The following JAK1 variants were observed in gnomAD, a reference collection of about 807,000 sequenced individuals.
JAK1 encodes tyrosine-protein kinase JAK1.
In JAK1, 16 loss-of-function variants were observed where a neutral mutation model predicts 136.6. The ratio of observed to expected loss-of-function variants is 0.12; its 90% confidence interval spans 0.08 to 0.18. The LOEUF is 0.18. JAK1 is among the 10% of genes least tolerant of loss of function. The pLI is 1.00. For synonymous variants in JAK1, 492 were observed against 519.5 expected (o/e 0.95, Z 0.72); for missense variants, 859 against 1,450.1 (o/e 0.59, Z 6.62).
intron 1 of JAK1, among the ~76,000 whole-genome samples, chr1:64,913,399 GACTC>G (rs1645318581): frequency 6.6e-6 from 1 of 152,014 alleles, no homozygotes; most frequent in African/African-American, 2.4e-5. Context: ...AACTGCCATG[GACTC>G]ACTCAACACC....
rs1023916029 is a variant in JAK1, at chr1:65,061,052, C to T, written c.-181+6552G>A. Reference sequence around the variant, plus strand: ...ACAACTAGGAACAATTTCTTCATAACGCATATACCAAATATTATCTACAAA... The same window carrying T: ...ACAACTAGGAACAATTTCTTCATAATGCATATACCAAATATTATCTACAAA... On this transcript the variant is annotated intron_variant, in intron 1 of 25. Coordinates refer to the JAK1 transcript ENST00000671954. Among the ~76,000 whole-genome samples, 11 of 152,188 alleles carry T rather than the reference C, an allele frequency of 7.2e-5. 1 individual carries two copies. Among genetic ancestry groups the T allele is most frequent in the South Asian group, 2.1e-4 (1 of 4,834 alleles).
chr1:64,955,164 C>T (rs552650781), intron 1 of JAK1, among the ~76,000 whole-genome samples: 1 of 152,296 alleles, frequency 6.6e-6, no homozygotes, highest in South Asian at 2.1e-4. Flanking sequence ...CAATAAACAG[C>T]CGTGTGCCTA....
chr1:64,966,012 C>CA (rs1455154900), intron 1 of JAK1, among the ~76,000 whole-genome samples: 1 of 152,092 alleles, frequency 6.6e-6, no homozygotes, highest in Admixed American at 6.5e-5. Flanking sequence ...AACAGGATGT[C>CA]AGACAGCGCG....
chr1:65,034,841 G>T (rs1647058798), intron 2 of JAK1, among the ~76,000 whole-genome samples: 1 of 152,080 alleles, frequency 6.6e-6, no homozygotes, highest in South Asian at 2.1e-4. Flanking sequence ...GATCACTTGA[G>T]GTCAGGAGTT....
In JAK1 at chr1:64,899,912, A is replaced by G. The variant is rs116826883; in HGVS notation, c.-77-13571T>C. Among the ~76,000 whole-genome samples, 1,113 of 152,346 alleles carry G rather than the reference A, an allele frequency of 7.3e-3. 9 individuals carry two copies. The highest frequency in any genetic ancestry group is 0.019 in the African/African-American group (803 of 41,570). ...CTAGCTATGATGCATAGACGCACAC[A>G]TGTAATCCTAAAGAAACGGTGACAA... On this transcript the variant is annotated intron_variant, in intron 1 of 24. Coordinates refer to ENST00000342505, the MANE Select transcript of JAK1 (RefSeq NM_002227.4).
rs1646381567 is a variant in JAK1 at position 64,966,462 on chromosome 1, G to A, written c.-207C>T. 6.6e-6 allele frequency: 1 copy of A among 150,998 alleles called. No homozygotes were observed. Among genetic ancestry groups the A allele is most frequent in the Non-Finnish European group, 1.5e-5 (1 of 67,708 alleles). The allele number at this position is 150,998 out of a possible 1,614,324, so 9.4% of individuals were successfully genotyped here. A position where few individuals can be genotyped will look rare whatever the true frequency, so the allele number is the denominator to read the frequency against. On this transcript the variant is annotated 5_prime_UTR_variant, in exon 1 of 25. Transcript: ENST00000342505. ...GCGCCCAGGGCTGAGGAGGGGTCGC[G>A]GCGAGGACAGCCGGGACTGGGCGCA...
At chr1:64,991,874 A>G (rs1646659630) in intron 2 of JAK1, 1 of 152,234 alleles carries the variant, frequency 6.6e-6, no homozygotes, top group African/African-American at 2.4e-5. Flanking sequence ...AAATTTATCC[A>G]AAGAAGTAAA....
intron 1 of JAK1, among the ~76,000 whole-genome samples, chr1:64,945,666 T>C (rs1243191445): frequency 7.2e-6 from 1 of 139,012 alleles, no homozygotes; most frequent in East Asian, 2.6e-4. Context: ...GGGAACGAAG[T>C]TGACGGACAA....
At chr1:64,846,891 G>A (rs1655270789) in intron 13 of JAK1, 155 bp from the exon 14 acceptor site, 1 of 621,702 alleles carries the variant, frequency 1.6e-6, no homozygotes. Flanking sequence ...TGGCTGTCCA[G>A]AGGCACTGCC....
intron 1 of JAK1, among the ~76,000 whole-genome samples, chr1:64,903,104 G>T (rs1334447365): frequency 6.6e-6 from 1 of 152,148 alleles, no homozygotes; most frequent in Admixed American, 6.5e-5. Context: ...TCAGCTCACT[G>T]CAACCTCCAC....
intron 2 of JAK1, among the ~76,000 whole-genome samples, chr1:64,987,089 C>A (rs1646607216): frequency 6.6e-6 from 1 of 152,172 alleles, no homozygotes; most frequent in South Asian, 2.1e-4. Context: ...CAATTTGGCT[C>A]CCAGCCAATC....
chr1:64,928,799 A>AAAAAACAAC (rs1557699705), intron 1 of JAK1, among the ~76,000 whole-genome samples: 1 of 85,038 alleles, frequency 1.2e-5, no homozygotes, highest in African/African-American at 9.0e-5. Context: ...AAAAAAAACA[A>AAAAAACAAC]AAAAAAAAAA....
chr1:64,884,226 G>A (rs1479039714), intron 2 of JAK1, among the ~76,000 whole-genome samples: 1 of 152,144 alleles, frequency 6.6e-6, no homozygotes, highest in East Asian at 1.9e-4. Flanking sequence ...ACCCTCCAAA[G>A]GGAGAGCACC....
intron 1 of JAK1, among the ~76,000 whole-genome samples, chr1:64,906,848 C>A (rs1031070269): frequency 1.3e-5 from 2 of 152,156 alleles, no homozygotes; most frequent in Non-Finnish European, 2.9e-5. Context: ...TTCCACACTA[C>A]CTCTTAAAGC....
At chr1:64,948,700 C>G (rs1370858538) in intron 1 of JAK1, among the ~76,000 whole-genome samples, 1 of 152,200 alleles carries the variant, frequency 6.6e-6, no homozygotes, top group Non-Finnish European at 1.5e-5. Context: ...AAAGAAGACT[C>G]TATTTTTTGT....
At position 64,844,913 on chromosome 1, in the gene JAK1, T is replaced by C; in HGVS notation, c.2116-24A>G. The C allele has an allele frequency of 1.9e-6, 3 of 1,614,082 alleles. No homozygotes were observed. Among genetic ancestry groups the C allele is most frequent in the Non-Finnish European group, 2.5e-6 (3 of 1,179,942 alleles). On this transcript the variant is annotated intron_variant, in intron 15 of 24. Coordinates refer to ENST00000342505, the MANE Select transcript of JAK1 (RefSeq NM_002227.4). The surrounding 1 kb of genome is among the most constrained non-coding windows in gnomAD (Gnocchi z 5.7). ...TCCTGCAGAGTAAAAAGGTCAAGTT[T>C]AGCCAAGCTGCTCCTTCCCGCATTC...
At chr1:65,065,071 T>A (rs527646047) in intron 1 of JAK1, among the ~76,000 whole-genome samples, 1 of 152,324 alleles carries the variant, frequency 6.6e-6, no homozygotes, top group South Asian at 2.1e-4. Flanking sequence ...AAGTTCATTG[T>A]GTTCCTCCTG....
chr1:65,053,629 T>C (rs190655498), intron 1 of JAK1, among the ~76,000 whole-genome samples: 12 of 152,260 alleles, frequency 7.9e-5, no homozygotes, highest in African/African-American at 1.4e-4. Flanking sequence ...AGCAGGAGGA[T>C]TGCTTGAGCC....
chr1:65,062,091 C>A (rs1470168131), intron 1 of JAK1, among the ~76,000 whole-genome samples: 1 of 152,122 alleles, frequency 6.6e-6, no homozygotes, highest in African/African-American at 2.4e-5. Context: ...ACTGAGCTTT[C>A]TTCCTCATGT....
Sources: gnomAD v4.1 joint callset for allele counts (sites outside exome capture counted in the v4.1 genomes callset) on GRCh38, gnomAD v4.1.1 for gene constraint, Gnocchi (gnomAD v3.1) non-coding constraint, MANE v1.5 for transcripts, NCBI Gene and HGNC (gene_info 2026-07-23, HGNC 2026-07-21) for gene names.